OTOGL: variants seen among roughly 807,000 people sequenced by gnomAD.
The protein encoded by OTOGL is otogelin like, also known as otogelin-like protein.
Under a neutral mutation model 318.5 loss-of-function variants are expected in OTOGL, and 285 were observed. That is an observed-to-expected ratio of 0.89 (90% CI 0.81 to 0.99). The LOEUF (loss-of-function observed/expected upper bound fraction) is 0.99, where lower values mean the gene tolerates loss of function less well. OTOGL is among the 50% of genes least tolerant of loss of function. The pLI is 0.00. For synonymous variants in OTOGL, 987 were observed against 936.5 expected, an observed-to-expected ratio of 1.05 and a Z score of -0.99; for missense variants, 2,899 against 2,845.6, an observed-to-expected ratio of 1.02 and a Z score of -0.43.
intron 11 of OTOGL, among the ~76,000 whole-genome samples, chr12:80,241,918 G>T (rs531106136): frequency 6.6e-6 from 1 of 152,104 alleles, no homozygotes; most frequent in African/African-American, 2.4e-5. Flanking sequence ...CCACTATCAT[G>T]TCCACATTTT....
chr12:80,377,402 G>A (rs574834583), intron 58 of OTOGL, among the ~76,000 whole-genome samples, 200 bp downstream of exon 58: 2 of 152,250 alleles, frequency 1.3e-5, no homozygotes, highest in South Asian at 4.1e-4. Flanking sequence ...AGTTCTGAAT[G>A]ATGGTTGCAA....
chr12:80,368,511 G>A (rs1890693214), intron 55 of OTOGL, among the ~76,000 whole-genome samples: 1 of 151,812 alleles, frequency 6.6e-6, no homozygotes, highest in Non-Finnish European at 1.5e-5. Flanking sequence ...CTTAACTTGT[G>A]ACTCAAACTT....
intron 1 of OTOGL, among the ~76,000 whole-genome samples, chr12:80,197,960 C>T (rs753696635): frequency 1.3e-5 from 2 of 151,972 alleles, no homozygotes; most frequent in Non-Finnish European, 2.9e-5. Flanking sequence ...TTCAAACTTT[C>T]TATTTTTTTT....
intron 7 of OTOGL, among the ~76,000 whole-genome samples, chr12:80,228,884 C>G (rs74822462): frequency 0.023 from 3,462 of 152,136 alleles, 142 homozygotes; most frequent in African/African-American, 0.078. Context: ...CCATTCAAAG[C>G]TCTGTTTTAT....
At chr12:80,297,758 C>T (rs1026619245) in intron 27 of OTOGL, among the ~76,000 whole-genome samples, 1 of 152,218 alleles carries the variant, frequency 6.6e-6, no homozygotes, top group Non-Finnish European at 1.5e-5. Context: ...GCTGCCTGCT[C>T]TTTCATTACT....
At chr12:80,180,972 G>T (rs1874879939) in intron 1 of OTOGL, among the ~76,000 whole-genome samples, 1 of 152,138 alleles carries the variant, frequency 6.6e-6, no homozygotes. Context: ...CAAGGCAGTA[G>T]TTCTGGTGGT....
At chr12:80,175,537 C>G (rs11837495) in intron 1 of OTOGL, among the ~76,000 whole-genome samples, 2,052 of 152,280 alleles carry the variant, frequency 0.013, 44 homozygotes, top group African/African-American at 0.045. Context: ...AAGGAATAAG[C>G]ATGACTCGCA....
At chr12:80,163,851 A>T (rs141212854) in intron 1 of OTOGL, among the ~76,000 whole-genome samples, 3 of 152,142 alleles carry the variant, frequency 2.0e-5, no homozygotes, top group Non-Finnish European at 4.4e-5. Flanking sequence ...CTAATATTCC[A>T]TTGGTAAAGT....
chr12:80,187,199 G>T (rs761175313), intron 1 of OTOGL, among the ~76,000 whole-genome samples: 4 of 151,996 alleles, frequency 2.6e-5, no homozygotes, highest in African/African-American at 7.2e-5. Flanking sequence ...TTCCCTAAAG[G>T]CCTCTTCACA....
At chr12:80,218,795 CT>C (rs34204072) in intron 5 of OTOGL, among the ~76,000 whole-genome samples, 5,779 of 118,088 alleles carry the variant, frequency 0.049, 164 homozygotes, top group African/African-American at 0.19. Context: ...CTTTTTCTTT[CT>C]TTTTTTTTTT....
chr12:80,153,219 T>C (rs1007989110), intron 1 of OTOGL, among the ~76,000 whole-genome samples: 71 of 152,290 alleles, frequency 4.7e-4, no homozygotes, highest in Non-Finnish European at 2.5e-4. Flanking sequence ...GCAGATTTGG[T>C]GTCTGATGAG....
At chr12:80,153,755 A>T (rs1003822154) in intron 1 of OTOGL, among the ~76,000 whole-genome samples, 2 of 152,134 alleles carry the variant, frequency 1.3e-5, no homozygotes, top group African/African-American at 2.4e-5. Flanking sequence ...GATATTTTTT[A>T]TTGTCTCCAT....
intron 18 of OTOGL, among the ~76,000 whole-genome samples, chr12:80,259,051 C>T (rs1267597272): frequency 6.6e-6 from 1 of 151,886 alleles, no homozygotes; most frequent in African/African-American, 2.4e-5. Context: ...CTCGGAACAT[C>T]ATGTTGTACT....
intron 35 of OTOGL, among the ~76,000 whole-genome samples, chr12:80,325,710 T>G (rs552851782): frequency 6.6e-6 from 1 of 152,334 alleles, no homozygotes; most frequent in African/African-American, 2.4e-5. Flanking sequence ...CCTCTTCTGG[T>G]AGCCATCAGG....
intron 56 of OTOGL, among the ~76,000 whole-genome samples, chr12:80,371,273 A>G (rs1890859511): frequency 1.3e-5 from 2 of 152,126 alleles, no homozygotes; most frequent in South Asian, 2.1e-4. Context: ...TATTTAGACA[A>G]TAATAATTCC....
At chr12:80,116,236 A>G (rs894290007) in intron 1 of OTOGL, among the ~76,000 whole-genome samples, 1 of 152,216 alleles carries the variant, frequency 6.6e-6, no homozygotes, top group Non-Finnish European at 1.5e-5. Flanking sequence ...GGAGAGGTGT[A>G]GTATCTGGGC....
At chr12:80,350,078 C>G (rs1306322413) in intron 44 of OTOGL, among the ~76,000 whole-genome samples, 1 of 152,128 alleles carries the variant, frequency 6.6e-6, no homozygotes, top group African/African-American at 2.4e-5. Context: ...CACTTCAGTC[C>G]CTGGTAACCA....
At chr12:80,241,348 C>G (rs1416736959) in intron 11 of OTOGL, among the ~76,000 whole-genome samples, 1 of 152,020 alleles carries the variant, frequency 6.6e-6, no homozygotes. Context: ...CTTGAAAGAA[C>G]CCCCACTCTG....
intron 11 of OTOGL, among the ~76,000 whole-genome samples, chr12:80,249,425 T>C (rs372925589): frequency 4.0e-4 from 60 of 151,404 alleles, no homozygotes; most frequent in South Asian, 3.1e-3. Flanking sequence ...TACCCTGCCG[T>C]GTGAGGTGTC....
Sources: gnomAD v4.1 joint callset for allele counts (sites outside exome capture counted in the v4.1 genomes callset) on GRCh38, gnomAD v4.1.1 for gene constraint, MANE v1.5 for transcripts, NCBI Gene and HGNC (gene_info 2026-07-23, HGNC 2026-07-21) for gene names.